UNC5D: variants seen among roughly 807,000 people sequenced by gnomAD.
The protein encoded by UNC5D is netrin receptor UNC5D.
A neutral mutation model predicts 105.4 loss-of-function variants in UNC5D; 39 were observed. That is an observed-to-expected ratio of 0.37 (90% CI 0.29 to 0.48). The LOEUF (loss-of-function observed/expected upper bound fraction) is 0.48, where lower values mean the gene tolerates loss of function less well. Among genes scored for constraint, UNC5D ranks in the 20% least tolerant of loss-of-function variants. The pLI is 0.98. For missense variants in UNC5D, 991 were observed against 1,202.4 expected (o/e 0.82, Z 2.60); for synonymous variants, 452 against 450.4 (o/e 1.00, Z -0.04).
At chr8:35,562,628 C>G (rs1393545512) in intron 2 of UNC5D, among the ~76,000 whole-genome samples, 1 of 151,922 alleles carries the variant, frequency 6.6e-6, no homozygotes, top group African/African-American at 2.4e-5. Flanking sequence ...AATGTCTTTT[C>G]AGGTCTTGAT....
At chr8:35,565,638 C>A (rs1817282166) in intron 2 of UNC5D, among the ~76,000 whole-genome samples, 1 of 152,070 alleles carries the variant, frequency 6.6e-6, no homozygotes, top group Non-Finnish European at 1.5e-5. Flanking sequence ...GTCATAAATT[C>A]TTTGCCTAGG....
intron 1 of UNC5D, among the ~76,000 whole-genome samples, chr8:35,507,989 C>G (rs1812448701): frequency 6.6e-6 from 1 of 152,034 alleles, no homozygotes; most frequent in African/African-American, 2.4e-5. Flanking sequence ...GTTGCAAGGG[C>G]TGTGGTTTAG....
At chr8:35,522,523 G>T (rs1212347411) in intron 1 of UNC5D, among the ~76,000 whole-genome samples, 4 of 152,162 alleles carry the variant, frequency 2.6e-5, no homozygotes, top group Non-Finnish European at 2.9e-5. Context: ...TGCAAAGAGA[G>T]GAAGTTTCAT....
intron 1 of UNC5D, among the ~76,000 whole-genome samples, chr8:35,418,164 T>C (rs1805647967): frequency 1.3e-5 from 2 of 152,180 alleles, no homozygotes; most frequent in African/African-American, 4.8e-5. Flanking sequence ...TTCTGTCCTG[T>C]TCCTTTTTGT....
chr8:35,739,021 T>C (rs760432053), intron 11 of UNC5D, among the ~76,000 whole-genome samples: 13 of 152,300 alleles, frequency 8.5e-5, no homozygotes, highest in South Asian at 6.2e-4. Flanking sequence ...AGAGAATCAC[T>C]GAGGAAAGAT....
intron 4 of UNC5D, among the ~76,000 whole-genome samples, chr8:35,597,481 G>A (rs1284563103): frequency 6.6e-6 from 1 of 152,076 alleles, no homozygotes; most frequent in Non-Finnish European, 1.5e-5. Context: ...TCTACATTCA[G>A]TGCCCATCTT....
intron 3 of UNC5D, among the ~76,000 whole-genome samples, chr8:35,591,105 T>C (rs1219631231): frequency 6.6e-6 from 1 of 152,174 alleles, no homozygotes; most frequent in East Asian, 1.9e-4. Context: ...TTTTCATTGG[T>C]TAGTTTATTT....
chr8:35,276,862 T>C (rs1395053774), intron 1 of UNC5D, among the ~76,000 whole-genome samples: 1 of 152,214 alleles, frequency 6.6e-6, no homozygotes, highest in East Asian at 1.9e-4. Flanking sequence ...ACAAGTTTAC[T>C]TGGAGGTTTA....
intron 1 of UNC5D, among the ~76,000 whole-genome samples, chr8:35,478,053 G>A (rs924438310): frequency 6.6e-6 from 1 of 152,074 alleles, no homozygotes; most frequent in African/African-American, 2.4e-5. Flanking sequence ...AGAATTGTGT[G>A]CAGATTCATA....
chr8:35,305,843 T>TTCCCTCCCCC (rs920130887), intron 1 of UNC5D, among the ~76,000 whole-genome samples: 1 of 124,034 alleles, frequency 8.1e-6, no homozygotes, highest in Non-Finnish European at 1.7e-5. Context: ...CCCTCCCTTC[T>TTCCCTCCCCC]TCCCTCCCCC....
intron 1 of UNC5D, among the ~76,000 whole-genome samples, chr8:35,322,601 C>G (rs1455065421): frequency 6.6e-6 from 1 of 152,192 alleles, no homozygotes; most frequent in African/African-American, 2.4e-5. Context: ...CTGACCCTGT[C>G]TTCTCAAGAG....
At chr8:35,438,643 C>T (rs964153067) in intron 1 of UNC5D, among the ~76,000 whole-genome samples, 1 of 151,364 alleles carries the variant, frequency 6.6e-6, no homozygotes, top group Non-Finnish European at 1.5e-5. Flanking sequence ...GCCAAACTAT[C>T]TTTAGTGGGA....
At chr8:35,452,188 TATTA>T (rs1329422059) in intron 1 of UNC5D, among the ~76,000 whole-genome samples, 1 of 152,194 alleles carries the variant, frequency 6.6e-6, no homozygotes, top group Non-Finnish European at 1.5e-5. Flanking sequence ...CCATACGATT[TATTA>T]ATTCTTTAGA....
chr8:35,424,696 C>A (rs1806127769), intron 1 of UNC5D, among the ~76,000 whole-genome samples: 1 of 152,194 alleles, frequency 6.6e-6, no homozygotes, highest in African/African-American at 2.4e-5. Context: ...GCTACACACT[C>A]ATCTCTATAG....
Position 35,649,978 on chromosome 8 carries a change from T to G in UNC5D, c.571-33569T>G, listed in dbSNP as rs1278936860. Among the ~76,000 whole-genome samples the G allele has an allele frequency of 2.6e-5, 4 of 152,108 alleles. No homozygotes were observed. In the East Asian group the frequency reaches 7.7e-4, roughly 29 times the overall value. ...AATATGAATGAAGCCTGCAGTTTAT[T>G]TAATAATCATGGGTCAGATGTTAAT... On this transcript the variant is annotated intron_variant, in intron 4 of 16. Coordinates refer to ENST00000404895, the MANE Select transcript of UNC5D (RefSeq NM_080872.4).
At chr8:35,608,106 A>G (rs943844136) in intron 4 of UNC5D, among the ~76,000 whole-genome samples, 2 of 152,164 alleles carry the variant, frequency 1.3e-5, no homozygotes, top group African/African-American at 4.8e-5. Context: ...CCAGGTTCCA[A>G]ATCAACATGA....
chr8:35,518,984 T>C lies in UNC5D; in HGVS notation c.104-30308T>C, dbSNP rs527726858. ...CATTTGACCTAAAATCCTAGTTCTA[T>C]AATTGAAGCCTCATTCCCTCTTGCT... On this transcript the variant is annotated intron_variant, in intron 1 of 16. Coordinates refer to ENST00000404895, the MANE Select transcript of UNC5D (RefSeq NM_080872.4). 5.3e-5 allele frequency among the ~76,000 whole-genome samples: 8 copies of C among 152,294 alleles called. No homozygotes were observed. The South Asian group carries it at 1.7e-3, about 32-fold the overall frequency.
At chr8:35,389,060 T>C (rs974712234) in intron 1 of UNC5D, among the ~76,000 whole-genome samples, 3 of 152,214 alleles carry the variant, frequency 2.0e-5, no homozygotes, top group Non-Finnish European at 4.4e-5. Context: ...TTAGGGTTTG[T>C]GTATATAGTT....
intron 8 of UNC5D, among the ~76,000 whole-genome samples, chr8:35,713,768 AGTGAGG>A (rs1450737480): frequency 6.6e-6 from 1 of 152,210 alleles, no homozygotes; most frequent in Non-Finnish European, 1.5e-5. Flanking sequence ...AGAGCCTCTC[AGTGAGG>A]GTGAAAAGTT....
Sources: allele counts gnomAD v4.1 joint callset (sites outside exome capture counted in the v4.1 genomes callset), GRCh38; gene constraint gnomAD v4.1.1; transcripts MANE v1.5; gene names NCBI Gene and HGNC (gene_info 2026-07-23, HGNC 2026-07-21).